The following SLC9A9 variants were observed in gnomAD, a reference collection of about 807,000 sequenced individuals.
SLC9A9 encodes sodium/hydrogen exchanger 9.
Under a neutral mutation model 77.8 loss-of-function variants are expected in SLC9A9, and 62 were observed. That is an observed-to-expected ratio of 0.80 (90% CI 0.65 to 0.98). SLC9A9 has a LOEUF of 0.98. Among genes scored for constraint, SLC9A9 ranks in the 50% least tolerant of loss-of-function variants. The pLI is 0.00. For missense variants in SLC9A9, 775 were observed against 774.9 expected (o/e 1.00, Z 0.00); for synonymous variants, 320 against 283.5 (o/e 1.13, Z -1.29).
intron 6 of SLC9A9, among the ~76,000 whole-genome samples, chr3:143,582,173 A>T (rs2037466946): frequency 1.3e-5 from 2 of 152,126 alleles, no homozygotes; most frequent in Non-Finnish European, 2.9e-5. Context: ...TATCAATCTA[A>T]TCTTGAAACT....
chr3:143,382,095 C>T lies in SLC9A9; in HGVS notation c.1489G>A (p.Glu497Lys). 1 of 1,614,104 alleles carries T rather than the reference C, an allele frequency of 6.2e-7. No homozygotes were observed. Among genetic ancestry groups the T allele is most frequent in the South Asian group, 1.1e-5 (1 of 91,086 alleles). ...GAGGAGGGGTCCTCCTTCAGATTTT[C>T]ATCCAGGTCCACGCCAACTCTGTTA... ...LQIRVGVDLD[E>K]NLKEDPSSQH... The change falls in exon 13 of 16, where the codon GAA (glutamate) becomes AAA (lysine). Residue 497 changes from glutamate (E) to lysine (K), a missense_variant. Coordinates refer to ENST00000316549, the MANE Select transcript of SLC9A9 (RefSeq NM_173653.4).
chr3:143,375,260 G>A (rs563361059), intron 13 of SLC9A9, among the ~76,000 whole-genome samples: 17 of 152,252 alleles, frequency 1.1e-4, no homozygotes, highest in African/African-American at 3.9e-4. Context: ...TGGCTCATGT[G>A]ACCTATATGG....
intron 12 of SLC9A9, among the ~76,000 whole-genome samples, chr3:143,424,985 T>C (rs1200931699): frequency 3.3e-5 from 5 of 152,236 alleles, no homozygotes; most frequent in Admixed American, 2.6e-4. Flanking sequence ...CAGTGCTGAA[T>C]ACTGTTTGTT....
intron 14 of SLC9A9, among the ~76,000 whole-genome samples, chr3:143,362,843 A>G (rs921412328): frequency 3.3e-5 from 5 of 152,224 alleles, no homozygotes; most frequent in African/African-American, 1.2e-4. Flanking sequence ...CCCACGAATC[A>G]CATGGCAAGG....
intron 2 of SLC9A9, among the ~76,000 whole-genome samples, chr3:143,800,019 T>C (rs550261802): frequency 6.6e-6 from 1 of 152,266 alleles, no homozygotes; most frequent in African/African-American, 2.4e-5. Context: ...CCTTTTTAGT[T>C]ATCCCCACCT....
At chr3:143,430,164 T>C (rs751327373) in intron 12 of SLC9A9, among the ~76,000 whole-genome samples, 5 of 152,044 alleles carry the variant, frequency 3.3e-5, no homozygotes, top group Non-Finnish European at 7.4e-5. Flanking sequence ...GGAGAACAGA[T>C]TTGGAAAGAG....
intron 12 of SLC9A9, among the ~76,000 whole-genome samples, chr3:143,407,019 AAATT>A (rs1191059537): frequency 6.6e-6 from 1 of 151,920 alleles, no homozygotes; most frequent in African/African-American, 2.4e-5. Context: ...AAAAAATACC[AAATT>A]AATATGAAAA....
intron 7 of SLC9A9, among the ~76,000 whole-genome samples, chr3:143,576,929 G>C (rs1185100956): frequency 6.6e-6 from 1 of 152,188 alleles, no homozygotes. Context: ...AAACTTTGGA[G>C]TAGCCTTTGA....
chr3:143,646,012 C>T (rs2038700978), intron 6 of SLC9A9, among the ~76,000 whole-genome samples: 1 of 152,070 alleles, frequency 6.6e-6, no homozygotes, highest in Admixed American at 6.6e-5. Flanking sequence ...AAACAGCCAA[C>T]ATCTTCTTTC....
rs1280176519 is a variant in SLC9A9 at position 143,644,749 on chromosome 3, C to A, written c.755+7506G>T. ...ACTCCCAAGACAAGGAGTCCTTAAG[C>A]AAAAACAGCCATAACTTTTTTTTTT... On this transcript the variant is annotated intron_variant, in intron 6 of 15. Coordinates refer to ENST00000316549, the MANE Select transcript of SLC9A9 (RefSeq NM_173653.4). Among the ~76,000 whole-genome samples, 5 of 151,728 alleles carry A rather than the reference C, an allele frequency of 3.3e-5. No homozygotes were observed. The East Asian group carries it at 9.7e-4, about 29-fold the overall frequency.
chr3:143,672,995 A>G (rs2039183851), intron 5 of SLC9A9, among the ~76,000 whole-genome samples: 1 of 152,344 alleles, frequency 6.6e-6, no homozygotes, highest in Non-Finnish European at 1.5e-5. Flanking sequence ...TATCAACACC[A>G]TCAAAGGTAA....
At chr3:143,596,500 C>T (rs574444451) in intron 6 of SLC9A9, among the ~76,000 whole-genome samples, 22 of 152,116 alleles carry the variant, frequency 1.4e-4, no homozygotes, top group African/African-American at 2.4e-4. Flanking sequence ...TATCATTTTT[C>T]GGTTTCCTCA....
chr3:143,672,841 G>A (rs1417110779), intron 5 of SLC9A9, among the ~76,000 whole-genome samples: 1 of 152,160 alleles, frequency 6.6e-6, no homozygotes, highest in East Asian at 1.9e-4. Context: ...TAAAAAATAT[G>A]CTGTGCTTCT....
At chr3:143,829,294 G>T (rs1308028407) in intron 2 of SLC9A9, among the ~76,000 whole-genome samples, 1 of 152,006 alleles carries the variant, frequency 6.6e-6, no homozygotes, top group Non-Finnish European at 1.5e-5. Flanking sequence ...TGGAAACTTA[G>T]ACTCTTCTCT....
At chr3:143,666,479 G>C (rs1388688862) in intron 5 of SLC9A9, among the ~76,000 whole-genome samples, 1 of 152,154 alleles carries the variant, frequency 6.6e-6, no homozygotes, top group East Asian at 1.9e-4. Context: ...TGGACGTTCT[G>C]GCAAAGGCAA....
At chr3:143,462,228 C>T (rs1461766138) in intron 12 of SLC9A9, among the ~76,000 whole-genome samples, 1 of 152,068 alleles carries the variant, frequency 6.6e-6, no homozygotes, top group Admixed American at 6.6e-5. Flanking sequence ...AAAAGATTAG[C>T]TGGGCATGGT....
At chr3:143,804,012 A>T (rs2008641481) in intron 2 of SLC9A9, among the ~76,000 whole-genome samples, 1 of 152,008 alleles carries the variant, frequency 6.6e-6, no homozygotes, top group Admixed American at 6.6e-5. Context: ...CTCCCCCCTT[A>T]TGTGGACCCC....
chr3:143,550,693 C>T (rs568985496), intron 9 of SLC9A9, among the ~76,000 whole-genome samples: 360 of 152,164 alleles, frequency 2.4e-3, no homozygotes, highest in African/African-American at 8.1e-3. Context: ...AGTCCAACCC[C>T]GATAAAAATG....
chr3:143,608,967 A>G (rs2037974224), intron 6 of SLC9A9, among the ~76,000 whole-genome samples: 1 of 152,204 alleles, frequency 6.6e-6, no homozygotes, highest in Non-Finnish European at 1.5e-5. Context: ...TTTTATCTAG[A>G]ATAAAATAAA....
Sources: gnomAD v4.1 joint callset for allele counts (sites outside exome capture counted in the v4.1 genomes callset) on GRCh38, gnomAD v4.1.1 for gene constraint, MANE v1.5 for transcripts, NCBI Gene and HGNC (gene_info 2026-07-23, HGNC 2026-07-21) for gene names.